The following RNF13 variants were observed in gnomAD, a reference collection of about 807,000 sequenced individuals.
RNF13 encodes the protein ring finger protein 13.
Under a neutral mutation model 37.7 loss-of-function variants are expected in RNF13, and 19 were observed. That is an observed-to-expected ratio of 0.50 (90% confidence interval 0.35 to 0.74). The LOEUF (loss-of-function observed/expected upper bound fraction) is 0.74. Ranked by LOEUF, RNF13 falls within the 30% of genes least tolerant of loss-of-function variation. The pLI is 0.01. For synonymous variants in RNF13, 144 were observed against 157.8 expected (o/e 0.91, Z 0.65); for missense variants, 375 against 453.0 (o/e 0.83, Z 1.56).
chr3:149,910,831 G>A (rs73157013), intron 6 of RNF13, among the ~76,000 whole-genome samples: 1,682 of 152,108 alleles, frequency 0.011, 16 homozygotes, highest in Non-Finnish European at 0.017. Flanking sequence ...CTAAACTAAG[G>A]GTATTTTTAA....
intron 1 of RNF13, among the ~76,000 whole-genome samples, chr3:149,826,668 C>A (rs552074696): frequency 3.8e-4 from 58 of 152,216 alleles, no homozygotes; most frequent in African/African-American, 1.3e-3. Flanking sequence ...TATTATGAAA[C>A]ATGCAGATAA....
chr3:149,862,447 T>A (rs548044126), intron 3 of RNF13, among the ~76,000 whole-genome samples: 2 of 152,124 alleles, frequency 1.3e-5, no homozygotes, highest in Non-Finnish European at 2.9e-5. Flanking sequence ...CTGAAACTTA[T>A]GTGTATCTTT....
chr3:149,883,520 A>G (rs888943837), intron 4 of RNF13, among the ~76,000 whole-genome samples: 1 of 152,038 alleles, frequency 6.6e-6, no homozygotes, highest in Admixed American at 6.6e-5. Context: ...TTATGTCTTT[A>G]TATTACATGT....
At chr3:149,868,941 A>G (rs1711663074) in intron 3 of RNF13, among the ~76,000 whole-genome samples, 1 of 151,764 alleles carries the variant, frequency 6.6e-6, no homozygotes, top group South Asian at 2.1e-4. Flanking sequence ...TCTATACCTT[A>G]CTTTTGCTCA....
At chr3:149,857,734 A>C (rs1345049483) in intron 3 of RNF13, among the ~76,000 whole-genome samples, 2 of 151,914 alleles carry the variant, frequency 1.3e-5, no homozygotes, top group African/African-American at 4.8e-5. Context: ...CCCTTCCCCC[A>C]CTCTATGCTT....
chr3:149,929,122 A>C (rs553126637), intron 8 of RNF13, among the ~76,000 whole-genome samples: 1 of 152,294 alleles, frequency 6.6e-6, no homozygotes, highest in South Asian at 2.1e-4. Context: ...CTGTTCTCAC[A>C]CTACTATAAG....
chr3:149,903,086 G>T (rs1028631746), intron 6 of RNF13, among the ~76,000 whole-genome samples: 4 of 152,012 alleles, frequency 2.6e-5, no homozygotes, highest in African/African-American at 9.7e-5. Context: ...AGAGGGCAAG[G>T]TTTTCTGTTT....
At chr3:149,853,460 GAGAGAGAGAGAGAGAGA>G (rs1723323338) in intron 3 of RNF13, among the ~76,000 whole-genome samples, 5 of 30,288 alleles carry the variant, frequency 1.7e-4, no homozygotes, top group African/African-American at 4.0e-4. Flanking sequence ...GAGAGGGAGA[GAGAGAGAGAGAGAGAGA>G]GAGAGAGAGA....
At chr3:149,816,910 A>G (rs574164650) in intron 1 of RNF13, among the ~76,000 whole-genome samples, 24 of 152,274 alleles carry the variant, frequency 1.6e-4, no homozygotes, top group African/African-American at 4.8e-4. Context: ...TTGACATTAT[A>G]ATGACATTGA....
chr3:149,838,281 C>T (rs1289617745), intron 1 of RNF13, among the ~76,000 whole-genome samples: 5 of 152,140 alleles, frequency 3.3e-5, no homozygotes, highest in South Asian at 2.1e-4. Context: ...ACTATTCTGG[C>T]GTCTGGTGGA....
chr3:149,869,042 T>A (rs1168914228), intron 3 of RNF13, among the ~76,000 whole-genome samples: 1 of 151,846 alleles, frequency 6.6e-6, no homozygotes, highest in Non-Finnish European at 1.5e-5. Context: ...TTCACTCTTT[T>A]CTTTTTTCTC....
At chr3:149,867,460 G>A (rs749270227) in intron 3 of RNF13, among the ~76,000 whole-genome samples, 4 of 151,476 alleles carry the variant, frequency 2.6e-5, no homozygotes, top group Admixed American at 1.3e-4. Context: ...TAGAGATGGG[G>A]TTTCACGTGT....
intron 1 of RNF13, among the ~76,000 whole-genome samples, chr3:149,834,604 C>T (rs759842968): frequency 3.3e-5 from 5 of 152,150 alleles, no homozygotes; most frequent in African/African-American, 7.2e-5. Context: ...GGCTTGATGC[C>T]GTTCTCATGG....
At chr3:149,842,051 T>C (rs1722235018) in intron 1 of RNF13, among the ~76,000 whole-genome samples, 1 of 152,200 alleles carries the variant, frequency 6.6e-6, no homozygotes, top group Admixed American at 6.5e-5. Flanking sequence ...CTCTTGACTT[T>C]TGTGAAATCA....
At chr3:149,869,846 A>G (rs1278703177) in intron 3 of RNF13, among the ~76,000 whole-genome samples, 1 of 151,806 alleles carries the variant, frequency 6.6e-6, no homozygotes, top group Admixed American at 6.6e-5. Context: ...CTTTTTGGCT[A>G]TAGGTGATGC....
At chr3:149,944,825 T>C (rs1720612930) in intron 8 of RNF13, among the ~76,000 whole-genome samples, 1 of 152,224 alleles carries the variant, frequency 6.6e-6, no homozygotes, top group African/African-American at 2.4e-5. Flanking sequence ...TAGATCCCAT[T>C]TGTCAATTTT....
chr3:149,959,147 G>A lies in RNF13; in HGVS notation c.701-909G>A, dbSNP rs904374170. The stretch of plus-strand genomic sequence containing the variant: ...ATAAGTTTTTATCTAACATATTCAT[G>A]TAGTGGAAAAAAACTCACAAAAGTG... On this transcript the variant is annotated intron_variant, in intron 8 of 9. Coordinates refer to ENST00000392894, the MANE Select transcript of RNF13 (RefSeq NM_183381.3). 1.6e-4 allele frequency among the ~76,000 whole-genome samples: 25 copies of A among 152,266 alleles called. 1 individual carries two copies. The Middle Eastern group carries it at 0.01, about 62-fold the overall frequency.
chr3:149,932,973 A>T (rs1719312466), intron 8 of RNF13, among the ~76,000 whole-genome samples: 1 of 152,218 alleles, frequency 6.6e-6, no homozygotes, highest in African/African-American at 2.4e-5. Flanking sequence ...AGGCTTTCTA[A>T]TACATCCTCT....
chr3:149,922,719 T>G (rs1010520601), intron 8 of RNF13, among the ~76,000 whole-genome samples: 1 of 152,168 alleles, frequency 6.6e-6, no homozygotes, highest in African/African-American at 2.4e-5. Flanking sequence ...ACTCTTATTA[T>G]TTTCCCTTTA....
Sources: gnomAD v4.1 joint callset for allele counts (sites outside exome capture counted in the v4.1 genomes callset) on GRCh38, gnomAD v4.1.1 for gene constraint, MANE v1.5 for transcripts, NCBI Gene and HGNC (gene_info 2026-07-23, HGNC 2026-07-21) for gene names.